BMX: variants seen among roughly 807,000 people sequenced by gnomAD.
The protein encoded by BMX is BMX non-receptor tyrosine kinase.
BMX carries 31 observed loss-of-function variants against 59.2 expected under a neutral mutation model. The observed-to-expected ratio is 0.52, with a 90% confidence interval of 0.39 to 0.71. The LOEUF (loss-of-function observed/expected upper bound fraction) is 0.71, where lower values mean the gene tolerates loss of function less well. Among genes scored for constraint, BMX ranks in the 30% least tolerant of loss-of-function variants. BMX has a pLI of 0.00. For missense variants in BMX, 474 were observed against 491.7 expected, an observed-to-expected ratio of 0.96 and a Z score of 0.34; for synonymous variants, 185 against 181.0, an observed-to-expected ratio of 1.02 and a Z score of -0.18.
intron 1 of BMX, among the ~76,000 whole-genome samples, chrX:15,505,753 C>T (rs1409866442): frequency 9.0e-6 from 1 of 111,139 alleles, no homozygotes; most frequent in Non-Finnish European, 1.9e-5. Context: ...CTTGAGGGCT[C>T]AATACCTTCC....
At chrX:15,520,665 T>G (rs1363734740) in intron 6 of BMX, among the ~76,000 whole-genome samples, 1 of 111,842 alleles carries the variant, frequency 8.9e-6, no homozygotes, top group Non-Finnish European at 1.9e-5. Context: ...AAGCCTGTTT[T>G]GATTATAAGC....
At chrX:15,542,233 A>C (rs1183566318) in intron 15 of BMX, 35 bp downstream of exon 15, 1 of 1,177,874 alleles carries the variant, frequency 8.5e-7, no homozygotes, top group African/African-American at 1.8e-5. Flanking sequence ...AAGAAAAGAA[A>C]GCAGTCCACG....
At chrX:15,541,727 T>C (rs982582109) in intron 14 of BMX, among the ~76,000 whole-genome samples, 2 of 111,699 alleles carry the variant, frequency 1.8e-5, no homozygotes, top group African/African-American at 6.5e-5. Context: ...GTAGGAAAGT[T>C]GAATACAGCA....
At chrX:15,551,978 A>T (rs1926219538) in intron 18 of BMX, among the ~76,000 whole-genome samples, 1 of 112,003 alleles carries the variant, frequency 8.9e-6, no homozygotes, top group Non-Finnish European at 1.9e-5. Flanking sequence ...ATCTTGCAGG[A>T]TGACATAGAA....
chrX:15,509,688 T>G (rs1326290263), intron 3 of BMX, among the ~76,000 whole-genome samples: 1 of 110,868 alleles, frequency 9.0e-6, no homozygotes, highest in African/African-American at 3.3e-5. Context: ...TCATCTCTTT[T>G]AACAAACATT....
rs749238695 is a variant in BMX at position 15,547,509 on chromosome X, T to C, written c.1795+588T>C. Among the ~76,000 whole-genome samples, 6 of 112,168 alleles carry C rather than the reference T, an allele frequency of 5.3e-5. No homozygotes were observed. In the South Asian group the frequency reaches 2.2e-3, roughly 41 times the overall value. On this transcript the variant is annotated intron_variant, in intron 17 of 18. Transcript: ENST00000348343. ...CTCCTCTCTGTTAAAATTTATATTT[T>C]AGATTGGGATTGGCAAACCACAGCC...
intron 6 of BMX, 100 bp downstream of exon 6, chrX:15,518,093 T>G (rs1924248500): frequency 5.8e-6 from 4 of 691,555 alleles, no homozygotes; most frequent in Non-Finnish European, 8.6e-6. Flanking sequence ...TCATTTAGAC[T>G]TCTCAGCAAA....
In BMX at chrX:15,550,108, G is replaced by A. The variant is rs1161754815; in HGVS notation, c.1953+111G>A. ...GAGGGAAAGCAACTGGTACAGAGCA[G>A]GAGAGAATGGTCCTCAGCCCCTGCC... is the stretch of plus-strand genomic sequence containing the variant. On this transcript the variant is annotated intron_variant, in intron 18 of 18. Transcript: ENST00000348343. The A allele has an allele frequency of 1.6e-5, 15 of 919,067 alleles. No homozygotes were observed. In the East Asian group the frequency reaches 4.9e-4, roughly 30 times the overall value. The allele number at this position is 919,067 out of a possible 1,213,427, so 75.7% of individuals were successfully genotyped here.
intron 1 of BMX, among the ~76,000 whole-genome samples, chrX:15,504,579 G>A (rs1204034897): frequency 8.9e-6 from 1 of 112,139 alleles, no homozygotes; most frequent in Non-Finnish European, 1.9e-5. Flanking sequence ...AATCAAGCAT[G>A]CCAAATAGAA....
At chrX:15,518,244 CAAA>C (rs373399805) in intron 6 of BMX, among the ~76,000 whole-genome samples, 1 of 86,568 alleles carries the variant, frequency 1.2e-5, no homozygotes, top group Admixed American at 1.3e-4. Context: ...AAATAGTCAC[CAAA>C]AAAAAAAAAA....
At position 15,555,489 on chromosome X, in the gene BMX, G is replaced by A. The variant is rs150137816; in HGVS notation, c.1954-584G>A. ...CTCCCAGAGTGCTGGGATTACAGGC[G>A]TGAGCCACTGCGCCTGGCCAGGGAT... is the stretch of plus-strand genomic sequence containing the variant. On this transcript the variant is annotated intron_variant, in intron 18 of 18. Coordinates refer to ENST00000348343, the MANE Select transcript of BMX (RefSeq NM_203281.3). Among the ~76,000 whole-genome samples the A allele has an allele frequency of 7.1e-3, 789 of 111,015 alleles. 9 individuals are homozygous for A. Among genetic ancestry groups the A allele is most frequent in the African/African-American group, 0.024 (743 of 30,491 alleles).
chrX:15,509,777 C>T (rs990359109), intron 3 of BMX, among the ~76,000 whole-genome samples: 2 of 111,488 alleles, frequency 1.8e-5, no homozygotes, highest in African/African-American at 6.5e-5. Context: ...AAGGCATTTA[C>T]AGGGAAGTGG....
In BMX at chrX:15,542,078, G is replaced by C; in HGVS notation, c.1491G>C (p.Leu497Phe). The C allele has an allele frequency of 8.3e-7, 1 of 1,211,248 alleles. No individual in the cohort carries two copies. The highest frequency in any genetic ancestry group is 1.1e-6 in the Non-Finnish European group (1 of 895,075). Residue 497 changes from leucine (L) to phenylalanine (F), a missense_variant, in exon 15 of 19, where the codon TTG (leucine) becomes TTC (phenylalanine). Leu to Phe is a conservative substitution (Grantham distance 22). Transcript: ENST00000348343. ...IVTEYISNGC[L>F]LNYLRSHGKG... ...CTGAATATATAAGCAATGGCTGCTTGCTGAATTACCTGAGGAGTCACGGAA... is the reference window on the plus strand; with the variant it reads ...CTGAATATATAAGCAATGGCTGCTTCCTGAATTACCTGAGGAGTCACGGAA...
intron 17 of BMX, among the ~76,000 whole-genome samples, chrX:15,547,614 G>A (rs1009547121): frequency 8.9e-6 from 1 of 111,908 alleles, no homozygotes; most frequent in Non-Finnish European, 1.9e-5. Context: ...ATTATCTATG[G>A]CTCATTTTGT....
intron 5 of BMX, among the ~76,000 whole-genome samples, chrX:15,517,670 T>C (rs752948044): frequency 1.1e-4 from 12 of 112,458 alleles, no homozygotes; most frequent in Admixed American, 6.6e-4. Context: ...GCATAACAAC[T>C]AAAAGAGAAA....
At position 15,534,351 on chromosome X, in the gene BMX, T is replaced by C. The variant is rs759695402; in HGVS notation, c.1147+12T>C. 14 of 1,150,177 alleles carry C rather than the reference T, an allele frequency of 1.2e-5. No homozygotes were observed. Among genetic ancestry groups the C allele is most frequent in the Admixed American group, 2.7e-5 (1 of 36,556 alleles). The allele number at this position is 1,150,177 out of a possible 1,213,427, so 94.8% of individuals were successfully genotyped here. ...ACACAATTCAGCAGGTAACTTATTT[T>C]AGTTTTTCTTTTATGGGCCCTTGTT... On this transcript the variant is annotated intron_variant, in intron 12 of 18. Transcript: ENST00000348343.
At chrX:15,515,068 G>A (rs1924096583) in intron 4 of BMX, among the ~76,000 whole-genome samples, 1 of 107,152 alleles carries the variant, frequency 9.3e-6, no homozygotes. Context: ...ACCAATCACC[G>A]CATGTTCTCA....
At position 15,555,391 on chromosome X, in the gene BMX, T is replaced by G. The variant is rs752380013; in HGVS notation, c.1954-682T>G. On this transcript the variant is annotated intron_variant, in intron 18 of 18. Coordinates refer to ENST00000348343, the MANE Select transcript of BMX (RefSeq NM_203281.3). ...AGCTGGCTAATTTTTGTATTTTTAG[T>G]AGAGACAGGGTTTCGCCATGTTGTT... 1.9e-3 allele frequency among the ~76,000 whole-genome samples: 207 copies of G among 109,063 alleles called. 1 individual carries two copies. Among genetic ancestry groups the G allele is most frequent in the African/African-American group, 6.4e-3 (191 of 29,918 alleles). The allele number at this position is 109,063 out of a possible 115,157, so 94.7% of individuals were successfully genotyped here.
chrX:15,554,519 G>C (rs770311800), intron 18 of BMX, among the ~76,000 whole-genome samples: 5 of 107,801 alleles, frequency 4.6e-5, no homozygotes, highest in Admixed American at 2.0e-4. Context: ...GGGTGGGTGG[G>C]TTTTTTTTTC....
Sources: gnomAD v4.1 joint callset for allele counts (sites outside exome capture counted in the v4.1 genomes callset) on GRCh38, gnomAD v4.1.1 for gene constraint, MANE v1.5 for transcripts, NCBI Gene and HGNC (gene_info 2026-07-23, HGNC 2026-07-21) for gene names.